Variants in GLIPR1L2 observed in about 807,000 individuals in gnomAD.
GLIPR1L2 encodes GLIPR1 like 2, also known as GLIPR1-like protein 2.
In GLIPR1L2, 21 loss-of-function variants were observed where a neutral mutation model predicts 28.4. That is an observed-to-expected ratio of 0.74 (90% confidence interval 0.52 to 1.06). The LOEUF is 1.06. Among genes scored for constraint, GLIPR1L2 ranks in the 50% least tolerant of loss-of-function variants. GLIPR1L2 has a pLI of 0.00. For synonymous variants in GLIPR1L2, 145 were observed against 139.3 expected, an observed-to-expected ratio of 1.04 and a Z score of -0.29; for missense variants, 476 against 416.9, an observed-to-expected ratio of 1.14 and a Z score of -1.23.
chr12:75,430,556 A>G (rs569202080), intron 4 of GLIPR1L2, among the ~76,000 whole-genome samples, 159 bp from the exon 5 acceptor site: 1 of 152,336 alleles, frequency 6.6e-6, no homozygotes, highest in South Asian at 2.1e-4. Flanking sequence ...CTAAAAGAGA[A>G]TATATTGTAC....
rs563515402 is a variant in GLIPR1L2, at chr12:75,427,461, G to A, written c.671-3254G>A. 6.6e-4 allele frequency among the ~76,000 whole-genome samples: 101 copies of A among 152,250 alleles called. 1 individual carries two copies. Among genetic ancestry groups the A allele is most frequent in the South Asian group, 3.5e-3 (17 of 4,820 alleles). On this transcript the variant is annotated intron_variant, in intron 4 of 5. Coordinates refer to ENST00000550916, the MANE Select transcript of GLIPR1L2 (RefSeq NM_001270396.2). ...GCTAAAATAACGGCAAAGATCCAAA[G>A]GAAGGTCAGTTCATCTCCAAGGTGC...
At chr12:75,404,062 GAGT>G in intron 1 of GLIPR1L2, among the ~76,000 whole-genome samples, 1 of 152,092 alleles carries the variant, frequency 6.6e-6, no homozygotes, top group East Asian at 1.9e-4. Flanking sequence ...CCCTCATATT[GAGT>G]AGATCACCTT....
chr12:75,401,438 T>C (rs1424696620), intron 1 of GLIPR1L2, among the ~76,000 whole-genome samples: 2 of 151,736 alleles, frequency 1.3e-5, no homozygotes, highest in Admixed American at 6.6e-5. Flanking sequence ...CTGGCCAAAA[T>C]AGAAAATATA....
At chr12:75,412,943 C>G (rs2045884266) in intron 2 of GLIPR1L2, among the ~76,000 whole-genome samples, 1 of 151,668 alleles carries the variant, frequency 6.6e-6, no homozygotes, top group Non-Finnish European at 1.5e-5. Context: ...TTGGAACCAA[C>G]CCAAATGTCC....
intron 3 of GLIPR1L2, among the ~76,000 whole-genome samples, chr12:75,414,445 A>G (rs1005878472): frequency 1.3e-5 from 2 of 152,086 alleles, no homozygotes; most frequent in African/African-American, 2.4e-5. Flanking sequence ...ATTTCTGCCA[A>G]ATAAAATGCT....
intron 3 of GLIPR1L2, among the ~76,000 whole-genome samples, chr12:75,415,306 C>T (rs1259491044): frequency 6.6e-6 from 1 of 151,904 alleles, no homozygotes; most frequent in Non-Finnish European, 1.5e-5. Flanking sequence ...GAAAAGAACA[C>T]CTTAACAAAA....
intron 1 of GLIPR1L2, among the ~76,000 whole-genome samples, chr12:75,402,417 A>G (rs1233495708): frequency 6.6e-6 from 1 of 152,244 alleles, no homozygotes; most frequent in Non-Finnish European, 1.5e-5. Flanking sequence ...CTAGAATAAC[A>G]AATCTCCAAA....
At chr12:75,425,726 A>T in intron 4 of GLIPR1L2, among the ~76,000 whole-genome samples, 1 of 152,322 alleles carries the variant, frequency 6.6e-6, no homozygotes, top group East Asian at 1.9e-4. Context: ...CAGAGTGAGG[A>T]GGGCACCTAT....
chr12:75,408,488 T>A (rs2045826742), intron 1 of GLIPR1L2, among the ~76,000 whole-genome samples: 1 of 152,030 alleles, frequency 6.6e-6, no homozygotes, highest in South Asian at 2.1e-4. Context: ...TTCAGTGAGA[T>A]AATACATAAA....
At chr12:75,409,001 C>A (rs976292595) in intron 1 of GLIPR1L2, among the ~76,000 whole-genome samples, 6 of 151,922 alleles carry the variant, frequency 3.9e-5, no homozygotes, top group Non-Finnish European at 8.8e-5. Flanking sequence ...CTATGGGATT[C>A]ACTAAGAAAA....
At chr12:75,424,823 C>T (rs2046017225) in intron 4 of GLIPR1L2, among the ~76,000 whole-genome samples, 1 of 152,156 alleles carries the variant, frequency 6.6e-6, no homozygotes, top group African/African-American at 2.4e-5. Flanking sequence ...TCTTGCTTCA[C>T]TTGAATCAAG....
intron 1 of GLIPR1L2, among the ~76,000 whole-genome samples, chr12:75,400,282 C>G (rs2045725858): frequency 6.6e-6 from 1 of 151,988 alleles, no homozygotes; most frequent in African/African-American, 2.4e-5. Context: ...CCACGCCCGG[C>G]TAATTTTTTT....
At chr12:75,398,110 C>T (rs2045700276) in intron 1 of GLIPR1L2, among the ~76,000 whole-genome samples, 1 of 151,502 alleles carries the variant, frequency 6.6e-6, no homozygotes, top group South Asian at 2.1e-4. Context: ...GCGGGCAGAT[C>T]ACTTGAGGTT....
At chr12:75,407,579 A>G (rs144430169) in intron 1 of GLIPR1L2, among the ~76,000 whole-genome samples, 2 of 152,236 alleles carry the variant, frequency 1.3e-5, no homozygotes, top group East Asian at 3.9e-4. Flanking sequence ...GAAATACAAT[A>G]TTTTGTGCAC....
At chr12:75,414,021 T>G (rs987893580) in intron 3 of GLIPR1L2, among the ~76,000 whole-genome samples, 3 of 152,020 alleles carry the variant, frequency 2.0e-5, no homozygotes, top group Non-Finnish European at 4.4e-5. Flanking sequence ...GAAAGAAAAT[T>G]AGATGTGTTG....
intron 3 of GLIPR1L2, among the ~76,000 whole-genome samples, chr12:75,414,697 C>G (rs1327230852): frequency 1.3e-5 from 2 of 151,998 alleles, no homozygotes; most frequent in South Asian, 4.1e-4. Flanking sequence ...CTATTACATG[C>G]AGAAACTTTA....
At chr12:75,429,145 A>G (rs1382066277) in intron 4 of GLIPR1L2, among the ~76,000 whole-genome samples, 1 of 152,214 alleles carries the variant, frequency 6.6e-6, no homozygotes, top group Non-Finnish European at 1.5e-5. Context: ...GTGCCTGGAA[A>G]AGCCACAGGT....
In GLIPR1L2 at chr12:75,391,097, C is replaced by A; in HGVS notation, c.-20C>A. The A allele has an allele frequency of 6.3e-7, 1 of 1,578,826 alleles. No individual in the cohort carries two copies. The highest frequency in any genetic ancestry group is 8.7e-7 in the Non-Finnish European group (1 of 1,150,406). On this transcript the variant is annotated 5_prime_UTR_variant, in exon 1 of 6. In the 5' UTR this introduces an upstream ATG that the reference lacks. Coordinates refer to ENST00000550916, the MANE Select transcript of GLIPR1L2 (RefSeq NM_001270396.2). Reference sequence around the variant, plus strand: ...GGACGGCCAGCGCGTGCGCACTGGCCTGTCAGCGGCCGGTGGACCATGGAG... The same window carrying A: ...GGACGGCCAGCGCGTGCGCACTGGCATGTCAGCGGCCGGTGGACCATGGAG...
intron 2 of GLIPR1L2, 71 bp from the exon 3 acceptor site, chr12:75,413,527 A>T: frequency 1.2e-6 from 1 of 834,258 alleles, no homozygotes; most frequent in Non-Finnish European, 1.9e-6. Context: ...AATGGAATAT[A>T]TTATTGTTTA....
Sources: gnomAD v4.1 joint callset for allele counts (sites outside exome capture counted in the v4.1 genomes callset) on GRCh38, gnomAD v4.1.1 for gene constraint, MANE v1.5 for transcripts, NCBI Gene and HGNC (gene_info 2026-07-23, HGNC 2026-07-21) for gene names.